RBFOX1: variants seen among roughly 807,000 people sequenced by gnomAD.
The protein encoded by RBFOX1 is RNA binding protein fox-1 homolog 1.
A neutral mutation model predicts 57.7 loss-of-function variants in RBFOX1; 8 were observed. The observed-to-expected ratio is 0.14, with a 90% CI of 0.08 to 0.25. RBFOX1 has a LOEUF of 0.25. Ranked by LOEUF, RBFOX1 falls within the 10% of genes least tolerant of loss-of-function variation. The pLI, the probability that RBFOX1 is intolerant of heterozygous loss-of-function variation, is 1.00. For synonymous variants in RBFOX1, 326 were observed against 222.4 expected, an observed-to-expected ratio of 1.47 and a Z score of -4.15; for missense variants, 611 against 548.5, an observed-to-expected ratio of 1.11 and a Z score of -1.14.
chr16:6,703,913 A>G (rs1016444566), intron 3 of RBFOX1: 9 of 152,190 alleles, frequency 5.9e-5, no homozygotes, highest in African/African-American at 2.2e-4. Flanking sequence ...CCTATCTCAT[A>G]GAAAAGAGGC....
At chr16:7,144,095 G>A (rs572816084) in intron 4 of RBFOX1, among the ~76,000 whole-genome samples, 17 of 152,256 alleles carry the variant, frequency 1.1e-4, no homozygotes, top group African/African-American at 2.2e-4. Context: ...GGGGGAAAAC[G>A]TCTTCATAGA....
rs758385007 is a variant in RBFOX1 at position 7,653,840 on chromosome 16, C to T, written c.783C>T (p.Ala261=). The T allele has an allele frequency of 1.2e-6, 2 of 1,607,406 alleles. No individual in the cohort carries two copies. Among genetic ancestry groups the T allele is most frequent in the Admixed American group, 1.7e-5 (1 of 59,986 alleles). ...TGCCAGGCTTCCCGTATCCAGCAGC[C>T]ACCGCCGCGGCCGCCTACCGAGGGG... is the stretch of plus-strand genomic sequence containing the variant. ...SAMPGFPYPA[A]TAAAAYRGAH... Residue 261 remains alanine, a synonymous_variant, in exon 12 of 16, where the codon GCC becomes GCT. Coordinates refer to ENST00000550418, the MANE Select transcript of RBFOX1 (RefSeq NM_018723.4).
intron 3 of RBFOX1, among the ~76,000 whole-genome samples, chr16:5,780,627 C>A (rs1453247991): frequency 6.6e-6 from 1 of 152,116 alleles, no homozygotes; most frequent in Non-Finnish European, 1.5e-5. Context: ...AGACATTTAA[C>A]TTTTCATAGG....
Position 6,948,719 on chromosome 16 carries a change from T to C in RBFOX1, c.-15-103338T>C, listed in dbSNP as rs2080085941. Among the ~76,000 whole-genome samples the C allele has an allele frequency of 1.3e-5, 2 of 152,082 alleles. 1 individual carries two copies. Among genetic ancestry groups the C allele is most frequent in the South Asian group, 4.2e-4 (2 of 4,818 alleles). On this transcript the variant is annotated intron_variant, in intron 3 of 15. Transcript: ENST00000550418. ...TATCAGAAACTCCCTCCTCCATCAT[T>C]TGACTATGTTTTGAAATGTTCACTA... is the stretch of plus-strand genomic sequence containing the variant.
chr16:5,821,526 C>T (rs759307688), intron 3 of RBFOX1, among the ~76,000 whole-genome samples: 21 of 152,038 alleles, frequency 1.4e-4, no homozygotes, highest in Non-Finnish European at 2.1e-4. Context: ...TTGTGTCCAG[C>T]TCCTGGGATC....
At chr16:6,508,946 C>A (rs182448041) in intron 2 of RBFOX1, among the ~76,000 whole-genome samples, 1 of 151,586 alleles carries the variant, frequency 6.6e-6, no homozygotes, top group Admixed American at 6.6e-5. Flanking sequence ...AGGTTGAGAC[C>A]TGGTTTCTCA....
rs898499553 is a variant in RBFOX1, at chr16:6,991,599, C to T, written c.-15-60458C>T. Among the ~76,000 whole-genome samples, 8 of 152,124 alleles carry T rather than the reference C, an allele frequency of 5.3e-5. No homozygotes were observed. The East Asian group carries it at 1.4e-3, about 26-fold the overall frequency. ...TCACCCAGGCTGGAGTTCAGTGGTGCAATCTCAGCTCACTGCAACTTCCAC... is the reference window on the plus strand; with the variant it reads ...TCACCCAGGCTGGAGTTCAGTGGTGTAATCTCAGCTCACTGCAACTTCCAC... On this transcript the variant is annotated intron_variant, in intron 3 of 15. Transcript: ENST00000550418.
rs541927411 is a variant in RBFOX1 at position 7,643,842 on chromosome 16, C to G, written c.758-9973C>G. Among the ~76,000 whole-genome samples the G allele has an allele frequency of 9.9e-5, 15 of 152,278 alleles. 1 individual carries two copies. In the South Asian group the frequency reaches 3.1e-3, roughly 32 times the overall value. Reference sequence around the variant, plus strand: ...TCTTGAAATCTCAGAACTTAAGTATCTAACAGAAGAAATGGCGGGCACACA... The same window carrying G: ...TCTTGAAATCTCAGAACTTAAGTATGTAACAGAAGAAATGGCGGGCACACA... On this transcript the variant is annotated intron_variant, in intron 11 of 15. Transcript: ENST00000550418.
rs572800885 is a variant in RBFOX1, at chr16:6,803,026, A to G, written c.-16+148376A>G. On this transcript the variant is annotated intron_variant, in intron 3 of 15. Transcript: ENST00000550418. ...TCTTTTAGCTGCCTTGCTACTAGGAAAAGGGACTTACTCATTTCCATTGAA... is the reference window on the plus strand; with the variant it reads ...TCTTTTAGCTGCCTTGCTACTAGGAGAAGGGACTTACTCATTTCCATTGAA... Among the ~76,000 whole-genome samples the G allele has an allele frequency of 2.4e-3, 364 of 152,286 alleles. 6 individuals carry two copies. The highest frequency in any genetic ancestry group is 0.017 in the Middle Eastern group (5 of 294).
chr16:7,120,314 A>G (rs1412371174), intron 4 of RBFOX1, among the ~76,000 whole-genome samples: 2 of 150,324 alleles, frequency 1.3e-5, no homozygotes, highest in Non-Finnish European at 3.0e-5. Context: ...ATACATGCAA[A>G]GAGAAAGAAG....
At chr16:5,566,321 G>A (rs1024056910) in intron 2 of RBFOX1, among the ~76,000 whole-genome samples, 3 of 152,020 alleles carry the variant, frequency 2.0e-5, no homozygotes, top group East Asian at 1.9e-4. Flanking sequence ...TTCCACTGTC[G>A]GAAGATAGAC....
At chr16:6,355,703 T>C (rs2087180314) in intron 2 of RBFOX1, among the ~76,000 whole-genome samples, 1 of 152,200 alleles carries the variant, frequency 6.6e-6, no homozygotes, top group Non-Finnish European at 1.5e-5. Context: ...ACTTGAGGAA[T>C]CACCACACTG....
chr16:6,090,627 G>C (rs768753827), intron 1 of RBFOX1, among the ~76,000 whole-genome samples: 1 of 152,162 alleles, frequency 6.6e-6, no homozygotes, highest in Admixed American at 6.5e-5. Context: ...AATGCATTAC[G>C]TTACCATATT....
intron 3 of RBFOX1, among the ~76,000 whole-genome samples, chr16:5,640,603 C>G (rs1037853325): frequency 6.6e-6 from 1 of 152,010 alleles, no homozygotes; most frequent in Non-Finnish European, 1.5e-5. Flanking sequence ...CATGGATACA[C>G]ACATGCGCAT....
At chr16:7,629,849 G>T (rs937442824) in intron 10 of RBFOX1, among the ~76,000 whole-genome samples, 1 of 152,238 alleles carries the variant, frequency 6.6e-6, no homozygotes. Flanking sequence ...GAGCTAGGCA[G>T]CCTTTCTGGC....
Position 5,946,103 on chromosome 16 carries a change from C to T in RBFOX1, c.351+78768C>T, listed in dbSNP as rs1347611955. ...TTAGTGGACTGACTTACCCGCTATT[C>T]TTGTCTTTTTAAAAAAGATTTTGTT... On this transcript the variant is annotated intron_variant, in intron 4 of 19. Coordinates refer to the RBFOX1 transcript ENST00000641259. This position sits in a 1 kb window ranked among gnomAD's most constrained non-coding sequence, Gnocchi z 4.6. Among the ~76,000 whole-genome samples, 1 of 152,176 alleles carries T rather than the reference C, an allele frequency of 6.6e-6. No homozygotes were observed. Among genetic ancestry groups the T allele is most frequent in the Non-Finnish European group, 1.5e-5 (1 of 68,038 alleles).
chr16:5,302,997 C>A lies in RBFOX1; in HGVS notation c.219+62892C>A, dbSNP rs535788037. Among the ~76,000 whole-genome samples, 4 of 152,268 alleles carry A rather than the reference C, an allele frequency of 2.6e-5. No individual in the cohort carries two copies. In the South Asian group the frequency reaches 8.3e-4, roughly 32 times the overall value. On this transcript the variant is annotated intron_variant, in intron 1 of 2. Transcript: ENST00000585867. Reference sequence around the variant, plus strand: ...TTATTTTCTATTTGTATCCTCCATTCTTTGTTCTTCCGTTTCTCTTTTACC... The same window carrying A: ...TTATTTTCTATTTGTATCCTCCATTATTTGTTCTTCCGTTTCTCTTTTACC...
At chr16:7,081,552 G>T (rs937605573) in intron 4 of RBFOX1, among the ~76,000 whole-genome samples, 17 of 152,178 alleles carry the variant, frequency 1.1e-4, no homozygotes, top group African/African-American at 4.1e-4. Flanking sequence ...AGTAGTGGGA[G>T]TTTTTATATG....
intron 3 of RBFOX1, among the ~76,000 whole-genome samples, chr16:6,734,160 G>GT (rs2069434397): frequency 6.6e-6 from 1 of 152,124 alleles, no homozygotes; most frequent in African/African-American, 2.4e-5. Flanking sequence ...TTTATTTGAC[G>GT]TTTTTTGTGC....
Sources: allele counts gnomAD v4.1 joint callset (sites outside exome capture counted in the v4.1 genomes callset), GRCh38; gene constraint gnomAD v4.1.1; non-coding constraint Gnocchi (gnomAD v3.1); transcripts MANE v1.5; gene names NCBI Gene and HGNC (gene_info 2026-07-23, HGNC 2026-07-21).